Variants in SLTM observed in about 807,000 individuals in gnomAD.
SLTM encodes the protein SAFB like transcription modulator, also known as SAFB-like transcription modulator.
SLTM carries 43 observed loss-of-function variants against 134.6 expected under a neutral mutation model. The ratio of observed to expected loss-of-function variants is 0.32; its 90% confidence interval spans 0.25 to 0.41. The LOEUF (loss-of-function observed/expected upper bound fraction) is 0.41, where lower values mean the gene tolerates loss of function less well. Among genes scored for constraint, SLTM ranks in the 10% least tolerant of loss-of-function variants. The pLI, the probability that SLTM is intolerant of heterozygous loss-of-function variation, is 1.00. For synonymous variants in SLTM, 424 were observed against 432.3 expected, an observed-to-expected ratio of 0.98 and a Z score of 0.24; for missense variants, 1,055 against 1,288.8, an observed-to-expected ratio of 0.82 and a Z score of 2.78.
intron 5 of SLTM, among the ~76,000 whole-genome samples, chr15:58,908,002 CGTGTGTGTGTGTGTGT>C (rs140029214): frequency 5.0e-5 from 7 of 139,944 alleles, no homozygotes; most frequent in African/African-American, 1.9e-4. Context: ...AAACATGCTG[CGTGTGTGTGTGTGTGT>C]GTGTGTGTGT....
intron 2 of SLTM, among the ~76,000 whole-genome samples, chr15:58,927,264 A>C (rs562423109): frequency 5.6e-4 from 86 of 152,218 alleles, no homozygotes; most frequent in African/African-American, 1.9e-3. Context: ...TTTTGAGACC[A>C]AGTTTCTAAA....
chr15:58,893,690 C>T, intron 12 of SLTM, 131 bp downstream of exon 12: 1 of 935,694 alleles, frequency 1.1e-6, no homozygotes, highest in Non-Finnish European at 1.6e-6. Flanking sequence ...TCCTACTAGA[C>T]CTCCTTTCCT....
At chr15:58,920,944 G>C (rs898987531) in intron 2 of SLTM, among the ~76,000 whole-genome samples, 1 of 152,060 alleles carries the variant, frequency 6.6e-6, no homozygotes, top group South Asian at 2.1e-4. Context: ...AACACAGTGA[G>C]ACTCCATCTC....
chr15:58,902,987 C>T (rs1268037525), intron 5 of SLTM, among the ~76,000 whole-genome samples: 13 of 152,026 alleles, frequency 8.6e-5, no homozygotes, highest in African/African-American at 2.9e-4. Context: ...CTGCAACTTC[C>T]GCCTCCCGGG....
intron 10 of SLTM, 98 bp downstream of exon 10, chr15:58,894,335 A>G: frequency 1.3e-6 from 2 of 1,489,478 alleles, no homozygotes; most frequent in Non-Finnish European, 1.8e-6. Context: ...AAAATTAAAA[A>G]TCACTGCAAA....
At chr15:58,916,778 A>G (rs2036680980) in intron 3 of SLTM, 157 bp downstream of exon 3, 1 of 554,310 alleles carries the variant, frequency 1.8e-6, no homozygotes, top group Non-Finnish European at 3.2e-6. Context: ...TATGAGAGTT[A>G]ATGAGATTGA....
At chr15:58,903,870 T>C (rs1182645636) in intron 5 of SLTM, among the ~76,000 whole-genome samples, 1 of 152,366 alleles carries the variant, frequency 6.6e-6, no homozygotes, top group South Asian at 2.1e-4. Flanking sequence ...GTAAACAGCT[T>C]ATTTATAATA....
chr15:58,914,843 C>A (rs1490740444), intron 3 of SLTM, among the ~76,000 whole-genome samples: 1 of 152,182 alleles, frequency 6.6e-6, no homozygotes, highest in Non-Finnish European at 1.5e-5. Flanking sequence ...CTATCAAATA[C>A]ATCACATATG....
intron 17 of SLTM, 181 bp from the exon 18 acceptor site, chr15:58,887,721 C>T: frequency 1.2e-6 from 1 of 804,642 alleles, no homozygotes; most frequent in Non-Finnish European, 1.5e-6. Context: ...AACTAAGTGT[C>T]TAGCCTAAAG....
chr15:58,932,232 A>G (rs1464086874), intron 2 of SLTM, 124 bp downstream of exon 2: 1 of 723,586 alleles, frequency 1.4e-6, no homozygotes. Flanking sequence ...TTGACCCAAG[A>G]AGGCAGACTG....
chr15:58,926,350 AGGG>A (rs2037466127), intron 2 of SLTM, among the ~76,000 whole-genome samples: 2 of 152,126 alleles, frequency 1.3e-5, no homozygotes, highest in Admixed American at 1.3e-4. Context: ...GTTGTTGAAA[AGGG>A]GGGAAAAAAC....
chr15:58,880,731 A>AT (rs1567094471), intron 20 of SLTM, among the ~76,000 whole-genome samples: 1 of 151,630 alleles, frequency 6.6e-6, no homozygotes, highest in Non-Finnish European at 1.5e-5. Flanking sequence ...TGCTCAGCTA[A>AT]TTTTTTTTAT....
chr15:58,903,561 T>C (rs972168776), intron 5 of SLTM, among the ~76,000 whole-genome samples: 1 of 138,076 alleles, frequency 7.2e-6, no homozygotes, highest in Non-Finnish European at 1.6e-5. Flanking sequence ...GGGGGAGGGA[T>C]AGCATTAGGA....
chr15:58,901,269 T>G lies in SLTM; in HGVS notation c.580A>C (p.Asn194His). Residue 194 changes from asparagine to histidine, a missense_variant, in exon 6 of 21, where the codon AAT (asparagine) becomes CAT (histidine). Physicochemically the swap from Asn to His is moderately conservative, Grantham distance 68. Coordinates refer to ENST00000380516, the MANE Select transcript of SLTM (RefSeq NM_024755.4). ...CTAGCATCAAACATACCTTTCTCAT[T>G]TTCTTCTTCCTCACCATCCTGAAAT... is the stretch of plus-strand genomic sequence containing the variant. The part of the protein sequence containing the change: ...LTAQDGEEEE[N>H]EKDIAGSGDG... 6.2e-7 allele frequency: 1 copy of G among 1,606,192 alleles called. No individual in the cohort carries two copies. Among genetic ancestry groups the G allele is most frequent in the East Asian group, 2.2e-5 (1 of 44,550 alleles).
rs536790803 is a variant in SLTM, at chr15:58,894,668, T to C, written c.1228-86A>G. 1.1e-5 allele frequency: 13 copies of C among 1,214,732 alleles called. No homozygotes were observed. The South Asian group carries it at 1.6e-4, about 15-fold the overall frequency. The allele number at this position is 1,214,732 out of a possible 1,614,324, so 75.2% of individuals were successfully genotyped here. On this transcript the variant is annotated intron_variant, in intron 9 of 20. Transcript: ENST00000380516. ...ATACATGAAACTTCACAACTGAAAC[T>C]ATATATTAATTCAGGGTGTATCTTA...
Position 58,933,491 on chromosome 15 carries a change from C to A in SLTM, c.75G>T (p.Leu25=), listed in dbSNP as rs1312632364. 1 of 1,599,920 alleles carries A rather than the reference C, an allele frequency of 6.3e-7. No homozygotes were observed. Among genetic ancestry groups the A allele is most frequent in the East Asian group, 2.3e-5 (1 of 43,228 alleles). ...GCTCGGACTTCAGATCGATGACCCG[C>A]AGATCGGTGATCTTTTTACCTTCCG... ...GQAEGKKITD[L]RVIDLKSELK... The change falls in exon 1 of 21, where the codon CTG becomes CTT. Residue 25 remains leucine (L), a synonymous_variant. Transcript: ENST00000380516.
At position 58,913,697 on chromosome 15, in the gene SLTM, C is replaced by CT; in HGVS notation, c.316-2dup. On this transcript the variant is annotated splice_acceptor_variant, in intron 3 of 20. Transcript: ENST00000380516. LOFTEE classifies it high-confidence loss of function. ...CCTCTTGATTCTCCAATTCACAGTC[C>CT]TTTTAATGGTAAGAAAATTTGGTAC... The CT allele has an allele frequency of 6.2e-7, 1 of 1,612,202 alleles. No homozygotes were observed. The highest frequency in any genetic ancestry group is 8.5e-7 in the Non-Finnish European group (1 of 1,179,236).
chr15:58,894,629 A>G, intron 9 of SLTM, 47 bp from the exon 10 acceptor site: 2 of 1,572,296 alleles, frequency 1.3e-6, no homozygotes, highest in South Asian at 2.2e-5. Context: ...CGTTCCAAGT[A>G]CACAGACTTC....
rs753922388 is a variant in SLTM, at chr15:58,933,577, A to G, written c.-12T>C. 1 of 1,570,660 alleles carries G rather than the reference A, an allele frequency of 6.4e-7. No homozygotes were observed. The highest frequency in any genetic ancestry group is 1.1e-5 in the South Asian group (1 of 87,110). ...GTAGCGGCAGCCATCTTAGAAGAGCAGCGCGCTGCCGAGGCAGCGAGTGGG... is the reference window on the plus strand; with the variant it reads ...GTAGCGGCAGCCATCTTAGAAGAGCGGCGCGCTGCCGAGGCAGCGAGTGGG... On this transcript the variant is annotated 5_prime_UTR_variant, in exon 1 of 21. Coordinates refer to ENST00000380516, the MANE Select transcript of SLTM (RefSeq NM_024755.4).
Sources: gnomAD v4.1 joint callset for allele counts (sites outside exome capture counted in the v4.1 genomes callset) on GRCh38, gnomAD v4.1.1 for gene constraint, MANE v1.5 for transcripts, NCBI Gene and HGNC (gene_info 2026-07-23, HGNC 2026-07-21) for gene names.